The following NGF variants were observed in gnomAD, a reference collection of about 807,000 sequenced individuals.
The protein encoded by NGF is beta-nerve growth factor.
Under a neutral mutation model 12.8 loss-of-function variants are expected in NGF, and 4 were observed. That is an observed-to-expected ratio of 0.31 (90% CI 0.15 to 0.72). The LOEUF (loss-of-function observed/expected upper bound fraction) is 0.72. Among genes scored for constraint, NGF ranks in the 30% least tolerant of loss-of-function variants. The probability of loss-of-function intolerance (pLI) is 0.69; values close to 1 mark genes in which losing one functional copy is unlikely to be tolerated. For synonymous variants in NGF, 140 were observed against 130.0 expected (o/e 1.08, Z -0.52); for missense variants, 283 against 330.8 (o/e 0.86, Z 1.12).
chr1:115,287,020 T>C (rs1252329520), intron 2 of NGF, among the ~76,000 whole-genome samples: 1 of 152,098 alleles, frequency 6.6e-6, no homozygotes, highest in Admixed American at 6.5e-5. Context: ...GGATGTGTGG[T>C]CACCCCATCC....
intron 1 of NGF, among the ~76,000 whole-genome samples, chr1:115,296,142 G>A (rs1156931826): frequency 6.6e-6 from 1 of 152,154 alleles, no homozygotes; most frequent in East Asian, 1.9e-4. Context: ...GAGCTCATTA[G>A]GGAAGAAGGG....
At chr1:115,337,267 G>GTTTGTTTTTTTGTT in intron 1 of NGF, among the ~76,000 whole-genome samples, 1 of 81,030 alleles carries the variant, frequency 1.2e-5, no homozygotes, top group African/African-American at 5.3e-5. Flanking sequence ...TTTTGTTTTT[G>GTTTGTTTTTTTGTT]TTTTTTTTTT....
At chr1:115,335,584 T>C (rs1400988584) in intron 1 of NGF, among the ~76,000 whole-genome samples, 1 of 152,242 alleles carries the variant, frequency 6.6e-6, no homozygotes, top group Non-Finnish European at 1.5e-5. Context: ...AGAGATTTTA[T>C]GCAAGCCGTC....
At chr1:115,290,343 TG>T (rs2101022921) in intron 2 of NGF, among the ~76,000 whole-genome samples, 1 of 148,312 alleles carries the variant, frequency 6.7e-6, no homozygotes, top group African/African-American at 2.5e-5. Flanking sequence ...CTGCTTCCCC[TG>T]GGGAGCTTTT....
intron 1 of NGF, among the ~76,000 whole-genome samples, chr1:115,319,744 C>T (rs1032063007): frequency 1.3e-5 from 2 of 152,182 alleles, no homozygotes; most frequent in Non-Finnish European, 2.9e-5. Flanking sequence ...CTCAGCTGGG[C>T]ACCCAGCCCT....
chr1:115,296,734 C>T (rs1224528362), intron 1 of NGF, among the ~76,000 whole-genome samples: 1 of 152,174 alleles, frequency 6.6e-6, no homozygotes, highest in African/African-American at 2.4e-5. Context: ...AATAATGAAA[C>T]TCTAAATGAT....
At chr1:115,295,994 C>T (rs902543001) in intron 1 of NGF, among the ~76,000 whole-genome samples, 2 of 152,130 alleles carry the variant, frequency 1.3e-5, no homozygotes, top group African/African-American at 4.8e-5. Flanking sequence ...ATTTAAAGTA[C>T]AGTGTGATAA....
At chr1:115,308,566 G>A (rs954354924) in intron 1 of NGF, among the ~76,000 whole-genome samples, 1 of 152,180 alleles carries the variant, frequency 6.6e-6, no homozygotes, top group Non-Finnish European at 1.5e-5. Flanking sequence ...TAAAAAAAAT[G>A]GGCTGCCTGT....
chr1:115,303,278 C>T (rs1191887606), intron 1 of NGF, among the ~76,000 whole-genome samples: 3 of 152,168 alleles, frequency 2.0e-5, no homozygotes, highest in African/African-American at 7.2e-5. Context: ...CCTAAGTGCT[C>T]TCCCTCTCTG....
At chr1:115,320,277 C>T (rs1457227982) in intron 1 of NGF, among the ~76,000 whole-genome samples, 2 of 152,016 alleles carry the variant, frequency 1.3e-5, no homozygotes, top group Non-Finnish European at 1.5e-5. Context: ...TTTTTTTCCC[C>T]AAACCTACAT....
intron 1 of NGF, among the ~76,000 whole-genome samples, chr1:115,302,643 T>C (rs762224287): frequency 1.3e-5 from 2 of 152,232 alleles, no homozygotes; most frequent in Non-Finnish European, 2.9e-5. Context: ...GGCCTCTGTC[T>C]GTAAAGGAAG....
At chr1:115,321,682 A>G (rs1405347732) in intron 1 of NGF, among the ~76,000 whole-genome samples, 1 of 151,622 alleles carries the variant, frequency 6.6e-6, no homozygotes, top group East Asian at 1.9e-4. Context: ...AAACCTTATA[A>G]TAAAATGTTT....
At chr1:115,318,046 T>A (rs543159528) in intron 1 of NGF, among the ~76,000 whole-genome samples, 1 of 152,162 alleles carries the variant, frequency 6.6e-6, no homozygotes, top group Non-Finnish European at 1.5e-5. Context: ...GGGACCCCAC[T>A]GTATATGCTC....
At chr1:115,337,267 G>GTTTGTTTGTTTTTTTTTTTTTTTTTT in intron 1 of NGF, among the ~76,000 whole-genome samples, 7 of 81,030 alleles carry the variant, frequency 8.6e-5, no homozygotes, top group South Asian at 4.0e-4. Flanking sequence ...TTTTGTTTTT[G>GTTTGTTTGTTTTTTTTTTTTTTTTTT]TTTTTTTTTT....
At chr1:115,321,438 A>ATTTATT (rs1654622432) in intron 1 of NGF, among the ~76,000 whole-genome samples, 4 of 152,106 alleles carry the variant, frequency 2.6e-5, no homozygotes, top group Non-Finnish European at 5.9e-5. Context: ...ATTTATTATA[A>ATTTATT]ACAAAAGGAC....
At chr1:115,289,906 G>C (rs1653629397) in intron 2 of NGF, among the ~76,000 whole-genome samples, 1 of 152,084 alleles carries the variant, frequency 6.6e-6, no homozygotes, top group Non-Finnish European at 1.5e-5. Flanking sequence ...TCTTGAAACT[G>C]TATTTTATCT....
chr1:115,297,931 T>A (rs1653920523), intron 1 of NGF, among the ~76,000 whole-genome samples: 1 of 152,222 alleles, frequency 6.6e-6, no homozygotes, highest in Admixed American at 6.5e-5. Context: ...GATCCCAATA[T>A]AAAGCCAGGG....
chr1:115,294,121 A>C (rs774013846), intron 1 of NGF, among the ~76,000 whole-genome samples: 1 of 152,246 alleles, frequency 6.6e-6, no homozygotes, highest in African/African-American at 2.4e-5. Context: ...CAGACATAAC[A>C]GATCCAACTC....
intron 2 of NGF, among the ~76,000 whole-genome samples, chr1:115,290,751 TC>T (rs1653670484): frequency 6.6e-6 from 1 of 152,174 alleles, no homozygotes; most frequent in Non-Finnish European, 1.5e-5. Flanking sequence ...TATTCTTTTA[TC>T]CTCCCTTCTA....
Sources: gnomAD v4.1 joint callset for allele counts (sites outside exome capture counted in the v4.1 genomes callset) on GRCh38, gnomAD v4.1.1 for gene constraint, MANE v1.5 for transcripts, NCBI Gene and HGNC (gene_info 2026-07-23, HGNC 2026-07-21) for gene names.